LOC112694756: variants seen among roughly 807,000 people sequenced by gnomAD.
chr16:30,060,859 G>C, the LOC112694756 span, among the ~76,000 whole-genome samples: 6 of 152,178 alleles, frequency 3.9e-5, no homozygotes, highest in African/African-American at 1.4e-4. Flanking sequence ...GTTGACAGTA[G>C]CACAGCCCAA....
At chr16:30,059,064 T>C in the LOC112694756 span, 5 of 398,294 alleles carry the variant, frequency 1.3e-5, no homozygotes, top group Non-Finnish European at 1.8e-5. Flanking sequence ...GTATAGGACT[T>C]AAAAGGAAAG....
the LOC112694756 span, chr16:30,069,459 C>T: frequency 0.066 from 106,232 of 1,613,930 alleles, 4,177 homozygotes; most frequent in African/African-American, 0.15. Flanking sequence ...CCTATCCTCT[C>T]CTCCACCCCA....
chr16:30,068,572 C>T, the LOC112694756 span: 3 of 1,540,790 alleles, frequency 1.9e-6, no homozygotes, highest in South Asian at 2.2e-5. Context: ...CACTGTACTC[C>T]AGCCGGGGCG....
At chr16:30,064,325 C>T in the LOC112694756 span, 1 of 397,452 alleles carries the variant, frequency 2.5e-6, no homozygotes, top group East Asian at 3.6e-5. Flanking sequence ...CCACCATCAC[C>T]GCAGGGAGTC....
chr16:30,062,495 G>C, the LOC112694756 span, among the ~76,000 whole-genome samples: 2 of 143,766 alleles, frequency 1.4e-5, no homozygotes, highest in African/African-American at 5.2e-5. Flanking sequence ...CCGCGCCATG[G>C]CACTCCAGCC....
At chr16:30,057,359 A>G in the LOC112694756 span, among the ~76,000 whole-genome samples, 2 of 152,116 alleles carry the variant, frequency 1.3e-5, no homozygotes, top group Admixed American at 6.5e-5. Context: ...TACGCAGGAG[A>G]GCCTTGCATC....
At chr16:30,068,897 G>C in the LOC112694756 span, 1 of 1,614,244 alleles carries the variant, frequency 6.2e-7, no homozygotes, top group Non-Finnish European at 8.5e-7. Context: ...GTGTGCTGAA[G>C]ATTGGGGAAC....
chr16:30,068,746 G>T, the LOC112694756 span: 1 of 1,614,194 alleles, frequency 6.2e-7, no homozygotes, highest in Non-Finnish European at 8.5e-7. Flanking sequence ...ACCAGAGCAG[G>T]TTTGGGTGCT....
chr16:30,068,854 A>G, the LOC112694756 span: 1 of 1,614,214 alleles, frequency 6.2e-7, no homozygotes, highest in Non-Finnish European at 8.5e-7. Context: ...GCCCAGTACA[A>G]GAAGGACGGA....
At chr16:30,063,269 C>T in the LOC112694756 span, among the ~76,000 whole-genome samples, 1 of 152,058 alleles carries the variant, frequency 6.6e-6, no homozygotes, top group South Asian at 2.1e-4. Context: ...GTGAATGAGA[C>T]CCTCTATTTT....
At chr16:30,055,229 C>T in the LOC112694756 span, 7 of 399,396 alleles carry the variant, frequency 1.8e-5, no homozygotes, top group Non-Finnish European at 2.6e-5. Context: ...TTCCTCCGGG[C>T]CCCCAGACTG....
At chr16:30,067,341 C>T in the LOC112694756 span, 1 of 1,613,920 alleles carries the variant, frequency 6.2e-7, no homozygotes, top group Non-Finnish European at 8.5e-7. Flanking sequence ...CTGGCAAGGG[C>T]ATCCTGGCTG....
the LOC112694756 span, chr16:30,068,310 C>T: frequency 2.7e-6 from 1 of 363,638 alleles, no homozygotes; most frequent in Non-Finnish European, 5.4e-6. Flanking sequence ...GTGATCTGCC[C>T]ACCTCGGCCT....
chr16:30,070,312 C>T, the LOC112694756 span: 130 of 1,159,646 alleles, frequency 1.1e-4, no homozygotes, highest in Non-Finnish European at 1.6e-4. Flanking sequence ...GGCTTGCCCG[C>T]GCTCTTTCTT....
At chr16:30,069,242 G>A in the LOC112694756 span, 1 of 1,551,412 alleles carries the variant, frequency 6.4e-7, no homozygotes, top group Non-Finnish European at 8.9e-7. Context: ...CAGTGGCTGT[G>A]GAGAGATGTA....
chr16:30,065,977 T>C, the LOC112694756 span: 1 of 153,014 alleles, frequency 6.5e-6, no homozygotes, highest in East Asian at 1.9e-4. Context: ...GAGAGGGATC[T>C]TGGGGGCAGT....
the LOC112694756 span, chr16:30,067,547 G>C: frequency 1.2e-6 from 2 of 1,613,766 alleles, no homozygotes; most frequent in South Asian, 2.2e-5. Flanking sequence ...ACGACCGCGT[G>C]AACCCCTGCA....
At chr16:30,067,284 G>A in the LOC112694756 span, 13 of 1,612,508 alleles carry the variant, frequency 8.1e-6, no homozygotes, top group East Asian at 2.2e-5. Flanking sequence ...CACTGACCCC[G>A]GAGCAGAAGA....
At chr16:30,067,678 C>A in the LOC112694756 span, 1 of 1,613,786 alleles carries the variant, frequency 6.2e-7, no homozygotes, top group South Asian at 1.1e-5. Flanking sequence ...GGAGGGCCTC[C>A]GGACGTGAGG....
Sources: allele counts gnomAD v4.1 joint callset (sites outside exome capture counted in the v4.1 genomes callset), GRCh38; gene constraint gnomAD v4.1.1; transcripts MANE v1.5.